Variants in PTP4A1 observed in about 807,000 individuals in gnomAD.
The protein encoded by PTP4A1 is protein tyrosine phosphatase 4A1.
A neutral mutation model predicts 20.5 loss-of-function variants in PTP4A1; 9 were observed. The observed-to-expected ratio is 0.44, with a 90% confidence interval of 0.26 to 0.77. The LOEUF (loss-of-function observed/expected upper bound fraction) is 0.77. Among genes scored for constraint, PTP4A1 ranks in the 30% least tolerant of loss-of-function variants. The pLI is 0.19. For synonymous variants in PTP4A1, 78 were observed against 67.4 expected (o/e 1.16, Z -0.77); for missense variants, 137 against 218.8 (o/e 0.63, Z 2.36).
intron 2 of PTP4A1, among the ~76,000 whole-genome samples, chr6:63,540,054 A>G (rs931605654): frequency 6.6e-6 from 1 of 152,144 alleles, no homozygotes; most frequent in African/African-American, 2.4e-5. Flanking sequence ...TCTTGGTCAA[A>G]TCAATATAGC....
At chr6:63,578,586 A>G (rs1026117249) in intron 3 of PTP4A1, 57 bp downstream of exon 3, 18 of 1,560,744 alleles carry the variant, frequency 1.2e-5, no homozygotes, top group Non-Finnish European at 1.5e-5. Context: ...AGTTTATTCA[A>G]ATAGTAAATT....
chr6:63,568,669 A>C (rs998261546), upstream of PTP4A1, among the ~76,000 whole-genome samples: 6 of 150,680 alleles, frequency 4.0e-5, no homozygotes, highest in Admixed American at 3.3e-4. Context: ...AAAAAAAAAA[A>C]ACAATATTTG....
At chr6:63,517,956 G>A (rs748159637), upstream of PTP4A1, among the ~76,000 whole-genome samples, 4 of 151,914 alleles carry the variant, frequency 2.6e-5, no homozygotes, top group African/African-American at 7.3e-5. Flanking sequence ...AGTTCAAGAC[G>A]AGCCTGGCCA....
chr6:63,539,220 A>G (rs1244449869), intron 2 of PTP4A1, among the ~76,000 whole-genome samples: 2 of 152,308 alleles, frequency 1.3e-5, no homozygotes, highest in Non-Finnish European at 2.9e-5. Flanking sequence ...AGAATAATGA[A>G]TAAATTCTAA....
At chr6:63,559,197 AAT>A (rs1284808120) in intron 3 of PTP4A1, among the ~76,000 whole-genome samples, 3 of 152,158 alleles carry the variant, frequency 2.0e-5, no homozygotes, top group African/African-American at 7.2e-5. Flanking sequence ...AATGAGGAAA[AAT>A]ATCTTATAAA....
chr6:63,543,954 GAT>G (rs1485069487), intron 2 of PTP4A1, among the ~76,000 whole-genome samples: 1 of 152,176 alleles, frequency 6.6e-6, no homozygotes, highest in Non-Finnish European at 1.5e-5. Context: ...TTTTTTTACA[GAT>G]ATAAAGAAAT....
upstream of PTP4A1, among the ~76,000 whole-genome samples, chr6:63,520,663 A>G: frequency 6.6e-6 from 1 of 151,180 alleles, no homozygotes; most frequent in Non-Finnish European, 1.5e-5. Flanking sequence ...ATAAATAAAT[A>G]AATAAATAAA....
rs190848067 is a variant in PTP4A1 at position 63,532,983 on chromosome 6, C to G, written c.-640+4899C>G. Among the ~76,000 whole-genome samples, 9 of 152,248 alleles carry G rather than the reference C, an allele frequency of 5.9e-5. No homozygotes were observed. The East Asian group carries it at 1.5e-3, about 26-fold the overall frequency. ...TATGGCATGGGAAGGAGGGGTTAGT[C>G]ACAGAAATATCACCAGACACTGCCT... On this transcript the variant is annotated intron_variant, in intron 2 of 3. Coordinates refer to the PTP4A1 transcript ENST00000639568.
upstream of PTP4A1, among the ~76,000 whole-genome samples, chr6:63,518,415 T>G (rs1272430905): frequency 6.6e-6 from 1 of 152,094 alleles, no homozygotes; most frequent in Admixed American, 6.6e-5. Flanking sequence ...AACTAAAAAA[T>G]TATCATTTTG....
chr6:63,569,320 A>T (rs767867419), upstream of PTP4A1, among the ~76,000 whole-genome samples: 1 of 152,152 alleles, frequency 6.6e-6, no homozygotes, highest in Non-Finnish European at 1.5e-5. Flanking sequence ...CAGTGCCATG[A>T]TCTCGGCTCA....
In PTP4A1 at chr6:63,580,313, G is replaced by A; in HGVS notation, c.*139G>A. ...GAAAGGCAGTTTTACCAGGCCTCAA[G>A]CTAGACAGATTTGGCAACCTCTGTA... is the stretch of plus-strand genomic sequence containing the variant. On this transcript the variant is annotated 3_prime_UTR_variant, in exon 6 of 6. Coordinates refer to ENST00000626021, the MANE Select transcript of PTP4A1 (RefSeq NM_003463.5). 1.4e-6 allele frequency: 1 copy of A among 704,056 alleles called. No homozygotes were observed. Among genetic ancestry groups the A allele is most frequent in the East Asian group, 2.5e-5 (1 of 39,650 alleles). The allele number at this position is 704,056 out of a possible 1,614,324, so 43.6% of individuals were successfully genotyped here.
At chr6:63,550,288 G>A (rs1315221987) in intron 2 of PTP4A1, 1 of 152,180 alleles carries the variant, frequency 6.6e-6, no homozygotes, top group Admixed American at 6.5e-5. Flanking sequence ...CAGAGATAAT[G>A]TAATCAACCA....
In PTP4A1 at chr6:63,531,545, G is replaced by A. The variant is rs1171448992; in HGVS notation, c.-640+3461G>A. On this transcript the variant is annotated intron_variant, in intron 2 of 3. Coordinates refer to the PTP4A1 transcript ENST00000639568. Reference sequence around the variant, plus strand: ...TTTTTTTTTTTTTGTAAATGCAGTGGTGCCTGCCATCTTAGCTCACTGCAG... The same window carrying A: ...TTTTTTTTTTTTTGTAAATGCAGTGATGCCTGCCATCTTAGCTCACTGCAG... 2.8e-5 allele frequency among the ~76,000 whole-genome samples: 4 copies of A among 143,678 alleles called. No homozygotes were observed. In the Admixed American group the frequency reaches 2.8e-4, roughly 10 times the overall value. The allele number at this position is 143,678 out of a possible 152,430, so 94.3% of individuals were successfully genotyped here. A position where few individuals can be genotyped will look rare whatever the true frequency, so the allele number is the denominator to read the frequency against.
chr6:63,561,333 C>T (rs1367062620), intron 3 of PTP4A1, among the ~76,000 whole-genome samples: 1 of 152,038 alleles, frequency 6.6e-6, no homozygotes, highest in Non-Finnish European at 1.5e-5. Flanking sequence ...GCTTAATACC[C>T]AACACATAGT....
intron 2 of PTP4A1, among the ~76,000 whole-genome samples, chr6:63,542,651 T>C (rs1009238495): frequency 2.6e-5 from 4 of 152,170 alleles, no homozygotes; most frequent in Non-Finnish European, 5.9e-5. Flanking sequence ...AGTTGACCAG[T>C]TTTCTCCTTG....
chr6:63,535,810 G>A (rs1775694302), intron 2 of PTP4A1, among the ~76,000 whole-genome samples: 1 of 152,110 alleles, frequency 6.6e-6, no homozygotes, highest in Admixed American at 6.6e-5. Flanking sequence ...GGCCACGATG[G>A]CTCATGTTAA....
Position 63,579,027 on chromosome 6 carries a change from A to G in PTP4A1, c.328A>G (p.Arg110Gly). 6.4e-7 allele frequency: 1 copy of G among 1,573,156 alleles called. No homozygotes were observed. The highest frequency in any genetic ancestry group is 8.6e-7 in the Non-Finnish European group (1 of 1,166,142). ...TGTTCATTGCGTTGCAGGCCTTGGG[A>G]GGTAAATGAATTTATCAATTTGATT... ...IAVHCVAGLG[R>G]APVLVALALI... The change falls in exon 4 of 6, where the codon AGA (arginine) becomes GGA (glycine). Residue 110 changes from arginine to glycine, a missense_variant and splice_region_variant. Transcript: ENST00000626021.
chr6:63,557,163 A>C (rs1199429807), intron 3 of PTP4A1, among the ~76,000 whole-genome samples: 1 of 152,242 alleles, frequency 6.6e-6, no homozygotes, highest in Non-Finnish European at 1.5e-5. Flanking sequence ...TTAAAAAATG[A>C]TTATCATCAT....
chr6:63,553,359 G>C (rs974504681), intron 3 of PTP4A1, among the ~76,000 whole-genome samples: 1 of 152,186 alleles, frequency 6.6e-6, no homozygotes, highest in Admixed American at 6.6e-5. Flanking sequence ...TGTGGTCACT[G>C]AATGATTTTC....
Sources: gnomAD v4.1 joint callset for allele counts (sites outside exome capture counted in the v4.1 genomes callset) on GRCh38, gnomAD v4.1.1 for gene constraint, MANE v1.5 for transcripts, NCBI Gene and HGNC (gene_info 2026-07-23, HGNC 2026-07-21) for gene names.